CLYBL: variants seen among roughly 807,000 people sequenced by gnomAD.
CLYBL encodes the protein citramalyl-CoA lyase, mitochondrial.
In CLYBL, 31 loss-of-function variants were observed where a neutral mutation model predicts 38.9. The observed-to-expected ratio is 0.80, with a 90% CI of 0.60 to 1.08. The LOEUF (loss-of-function observed/expected upper bound fraction) is 1.08, where lower values mean the gene tolerates loss of function less well. Ranked by LOEUF, CLYBL falls within the 50% of genes least tolerant of loss-of-function variation. The pLI is 0.00. For synonymous variants in CLYBL, 171 were observed against 158.6 expected, an observed-to-expected ratio of 1.08 and a Z score of -0.59; for missense variants, 434 against 411.6, an observed-to-expected ratio of 1.05 and a Z score of -0.47.
chr13:99,632,839 G>A (rs1242061875), intron 1 of CLYBL, among the ~76,000 whole-genome samples: 2 of 152,138 alleles, frequency 1.3e-5, no homozygotes, highest in Admixed American at 1.3e-4. Flanking sequence ...TGATAGAGAT[G>A]TTACAATTAA....
intron 1 of CLYBL, among the ~76,000 whole-genome samples, chr13:99,630,299 A>G (rs914870333): frequency 1.3e-5 from 2 of 152,348 alleles, no homozygotes; most frequent in African/African-American, 4.8e-5. Flanking sequence ...CTTTTAAAAA[A>G]AATCCTCTTT....
chr13:99,898,186 T>A (rs913625500), downstream of CLYBL, among the ~76,000 whole-genome samples: 1 of 152,200 alleles, frequency 6.6e-6, no homozygotes, highest in Non-Finnish European at 1.5e-5. Flanking sequence ...TAACGCCAAA[T>A]AGCTGGTTTG....
Position 99,864,903 on chromosome 13 carries a change from C to A in CLYBL, c.626C>A (p.Ala209Asp), listed in dbSNP as rs1194219997. The stretch of plus-strand genomic sequence containing the variant: ...GTTTTTGGAGGAGAAGACTTTCGAG[C>A]CAGCATAGGTGTCAAAGACATCTCT... ...AVVFGGEDFRASIGATSSKET... is the reference protein window; with the variant it reads ...AVVFGGEDFRDSIGATSSKET... Residue 209 changes from alanine to aspartate, a missense_variant, in exon 5 of 9, where the codon GCC (alanine) becomes GAC (aspartate). By Grantham distance (126) the Ala-to-Asp change is moderately radical (BLOSUM62 -2). Transcript: ENST00000339105. 3.1e-6 allele frequency: 5 copies of A among 1,608,680 alleles called. No individual in the cohort carries two copies. The Admixed American group carries it at 5.0e-5, about 16-fold the overall frequency.
intron 7 of CLYBL, among the ~76,000 whole-genome samples, chr13:99,872,707 T>C (rs2051938566): frequency 6.6e-6 from 1 of 152,162 alleles, no homozygotes; most frequent in Non-Finnish European, 1.5e-5. Flanking sequence ...TTGGGTAGCA[T>C]CAAAGGAGGG....
At chr13:99,770,083 T>C (rs530335552) in intron 1 of CLYBL, among the ~76,000 whole-genome samples, 24 of 138,440 alleles carry the variant, frequency 1.7e-4, no homozygotes, top group East Asian at 1.4e-3. Flanking sequence ...TTTCTTTCTT[T>C]TTTTTTTTTT....
chr13:99,665,623 A>G (rs893122949), intron 1 of CLYBL, among the ~76,000 whole-genome samples: 2 of 152,080 alleles, frequency 1.3e-5, no homozygotes, highest in African/African-American at 2.4e-5. Flanking sequence ...TGGGGAAATA[A>G]TCATTTCATG....
chr13:99,636,706 C>T (rs1276975529), intron 1 of CLYBL, among the ~76,000 whole-genome samples: 3 of 152,052 alleles, frequency 2.0e-5, no homozygotes, highest in African/African-American at 7.2e-5. Flanking sequence ...CTTTGTTGTG[C>T]ACAGTATGCC....
At chr13:99,879,596 T>C (rs987791419) in intron 7 of CLYBL, among the ~76,000 whole-genome samples, 27 of 152,220 alleles carry the variant, frequency 1.8e-4, no homozygotes, top group Admixed American at 5.2e-4. Flanking sequence ...ATATATAGCA[T>C]CCCTGAGTCT....
intron 2 of CLYBL, among the ~76,000 whole-genome samples, chr13:99,806,459 G>C (rs1385284375): frequency 6.6e-6 from 1 of 152,078 alleles, no homozygotes; most frequent in Non-Finnish European, 1.5e-5. Context: ...TTATCTGTTG[G>C]ATGACCCTAG....
At position 99,768,515 on chromosome 13, in the gene CLYBL, TTTTTTTTTTTTTTA is replaced by T. The variant is rs1211538683; in HGVS notation, c.63-4308_63-4295del. On this transcript the variant is annotated intron_variant, in intron 1 of 8. Coordinates refer to ENST00000339105, the MANE Select transcript of CLYBL (RefSeq NM_206808.5). ...ACCTCTTTTTTTTTTTTTTTTTTTT[TTTTTTTTTTTTTTA>T]AAGACAGAATCTCACTGTGTCACCC... 6.6e-3 allele frequency among the ~76,000 whole-genome samples: 135 copies of T among 20,560 alleles called. 14 individuals carry two copies. Among genetic ancestry groups the T allele is most frequent in the African/African-American group, 0.012 (93 of 7,580 alleles). 13.5% of individuals were successfully genotyped at this position (20,560 alleles called of 152,430 possible).
At chr13:99,648,186 G>A (rs1048845853) in intron 1 of CLYBL, among the ~76,000 whole-genome samples, 1 of 152,158 alleles carries the variant, frequency 6.6e-6, no homozygotes, top group African/African-American at 2.4e-5. Flanking sequence ...TTAGGGAGCT[G>A]TCTGTTTTGT....
intron 1 of CLYBL, among the ~76,000 whole-genome samples, chr13:99,696,372 G>A (rs1369551247): frequency 6.6e-6 from 1 of 151,838 alleles, no homozygotes; most frequent in Non-Finnish European, 1.5e-5. Context: ...TGGGACCATA[G>A]GTATATGCCA....
intron 2 of CLYBL, among the ~76,000 whole-genome samples, chr13:99,833,999 C>T (rs1328200455): frequency 4.6e-5 from 7 of 152,102 alleles, no homozygotes; most frequent in African/African-American, 1.7e-4. Flanking sequence ...CATGCGCAGC[C>T]CTGTGTTGCT....
intron 7 of CLYBL, among the ~76,000 whole-genome samples, chr13:99,888,341 T>C (rs902778765): frequency 6.6e-6 from 1 of 152,224 alleles, no homozygotes; most frequent in Admixed American, 6.5e-5. Flanking sequence ...CTTCAAAGTG[T>C]TGTTATGAGC....
intron 1 of CLYBL, 38 bp downstream of exon 1, chr13:99,606,795 G>A: frequency 4.4e-6 from 6 of 1,356,072 alleles, no homozygotes; most frequent in South Asian, 1.8e-5. Context: ...TCCCGGCCCG[G>A]CTCGCCGCGG....
intron 2 of CLYBL, among the ~76,000 whole-genome samples, chr13:99,785,202 T>C (rs1260064598): frequency 7.6e-6 from 1 of 132,048 alleles, no homozygotes; most frequent in East Asian, 2.2e-4. Context: ...TTTTTTTTTT[T>C]TTTTTTTTTT....
At chr13:99,863,792 C>G (rs1379427125) in intron 4 of CLYBL, among the ~76,000 whole-genome samples, 2 of 152,122 alleles carry the variant, frequency 1.3e-5, no homozygotes, top group African/African-American at 4.8e-5. Flanking sequence ...AATCTAGCAC[C>G]CCCTTTCAGA....
intron 1 of CLYBL, among the ~76,000 whole-genome samples, chr13:99,770,597 G>A (rs1366221130): frequency 3.3e-5 from 5 of 152,094 alleles, no homozygotes; most frequent in African/African-American, 1.2e-4. Context: ...GATTACAGGC[G>A]TGAGCCACCG....
In CLYBL at chr13:99,735,683, A is replaced by G. The variant is rs574269652; in HGVS notation, c.63-37141A>G. ...CAAAATAAAATAAACCTGTGTTTCC[A>G]TATATAAAACAGGCAGCAATAATAG... On this transcript the variant is annotated intron_variant, in intron 1 of 8. Transcript: ENST00000339105. 2.6e-5 allele frequency among the ~76,000 whole-genome samples: 4 copies of G among 152,330 alleles called. No homozygotes were observed. The East Asian group carries it at 5.8e-4, about 22-fold the overall frequency.
Sources: allele counts gnomAD v4.1 joint callset (sites outside exome capture counted in the v4.1 genomes callset), GRCh38; gene constraint gnomAD v4.1.1; transcripts MANE v1.5; gene names NCBI Gene and HGNC (gene_info 2026-07-23, HGNC 2026-07-21).